Variants in FAAH2 observed in about 807,000 individuals in gnomAD.
FAAH2 encodes fatty-acid amide hydrolase 2.
Under a neutral mutation model 36.9 loss-of-function variants are expected in FAAH2, and 60 were observed. That is an observed-to-expected ratio of 1.63 (90% CI 1.32 to 2.02). The LOEUF (loss-of-function observed/expected upper bound fraction) is 2.02, where lower values mean the gene tolerates loss of function less well. Ranked by LOEUF, FAAH2 falls within the 30% of genes most tolerant of loss-of-function variation. The pLI, the probability that FAAH2 is intolerant of heterozygous loss-of-function variation, is 0.00. For missense variants in FAAH2, 689 were observed against 397.5 expected (o/e 1.73, Z -6.23); for synonymous variants, 214 against 143.8 (o/e 1.49, Z -3.49).
chrX:57,454,541 C>T (rs1274271600), intron 10 of FAAH2, among the ~76,000 whole-genome samples: 1 of 111,982 alleles, frequency 8.9e-6, no homozygotes, highest in East Asian at 2.8e-4. Context: ...AAAGTTGAAA[C>T]ATAATCCAAG....
At chrX:57,438,892 G>A (rs1456745611) in intron 8 of FAAH2, among the ~76,000 whole-genome samples, 6 of 108,794 alleles carry the variant, frequency 5.5e-5, no homozygotes, top group African/African-American at 1.3e-4. Context: ...GAGAATGATG[G>A]TTTCCAGTTT....
chrX:57,291,414 C>T (rs1380000791), intron 1 of FAAH2, among the ~76,000 whole-genome samples: 3 of 111,867 alleles, frequency 2.7e-5, no homozygotes, highest in African/African-American at 6.5e-5. Context: ...TTGTTTTCAC[C>T]TAGTATATGT....
the FAAH2 span, among the ~76,000 whole-genome samples, chrX:57,279,076 C>T: frequency 1.8e-5 from 2 of 111,983 alleles, no homozygotes; most frequent in Non-Finnish European, 3.8e-5. Flanking sequence ...CTAGAATTGC[C>T]ATTTGTCCCA....
chrX:57,432,311 C>G (rs769157533), intron 8 of FAAH2, among the ~76,000 whole-genome samples: 1 of 111,024 alleles, frequency 9.0e-6, no homozygotes, highest in Non-Finnish European at 1.9e-5. Context: ...GATTTGGAAA[C>G]CTTAACCAGG....
At chrX:57,410,596 T>A (rs974966406) in intron 7 of FAAH2, among the ~76,000 whole-genome samples, 4 of 111,991 alleles carry the variant, frequency 3.6e-5, no homozygotes, top group Non-Finnish European at 7.5e-5. Context: ...AATAATAGAC[T>A]GTTTTATCAT....
At chrX:57,436,686 C>G (rs765345378) in intron 8 of FAAH2, among the ~76,000 whole-genome samples, 1 of 111,105 alleles carries the variant, frequency 9.0e-6, no homozygotes, top group East Asian at 2.8e-4. Context: ...ATGCAACCTC[C>G]CGTTTGAATC....
chrX:57,357,313 C>A lies in FAAH2; in HGVS notation c.742+15923C>A, dbSNP rs780006610. Reference sequence around the variant, plus strand: ...ACTAACACACCAAAAACAATGGCAACAAAAGCCTAAATTGACAAATGGGAT... The same window carrying A: ...ACTAACACACCAAAAACAATGGCAAAAAAAGCCTAAATTGACAAATGGGAT... On this transcript the variant is annotated intron_variant, in intron 5 of 10. Coordinates refer to ENST00000374900, the MANE Select transcript of FAAH2 (RefSeq NM_174912.4). Among the ~76,000 whole-genome samples, 3 of 111,305 alleles carry A rather than the reference C, an allele frequency of 2.7e-5. No individual in the cohort carries two copies. The East Asian group carries it at 8.5e-4, about 31-fold the overall frequency.
the FAAH2 span, among the ~76,000 whole-genome samples, chrX:57,170,870 A>ATTT: frequency 3.9e-3 from 402 of 103,362 alleles, 3 homozygotes; most frequent in African/African-American, 0.013. Flanking sequence ...ATGACCAGCT[A>ATTT]TTTTTTTTTT....
rs112077044 is a variant in FAAH2 at position 57,401,101 on chromosome X, C to A, written c.996+20072C>A. ...TCATGCCACTGCACTCCAGCCTGGG[C>A]GACAGAGTGAGACTCTGTCTCAAAA... On this transcript the variant is annotated intron_variant, in intron 7 of 10. Transcript: ENST00000374900. 2.7e-5 allele frequency among the ~76,000 whole-genome samples: 3 copies of A among 110,737 alleles called. No individual in the cohort carries two copies. The Admixed American group carries it at 2.9e-4, about 11-fold the overall frequency.
intron 7 of FAAH2, among the ~76,000 whole-genome samples, chrX:57,414,442 T>C (rs1233408902): frequency 8.9e-6 from 1 of 112,069 alleles, no homozygotes; most frequent in African/African-American, 3.2e-5. Context: ...TTGAATTTTA[T>C]CAAAGGCCTT....
At chrX:57,259,895 T>C in the FAAH2 span, among the ~76,000 whole-genome samples, 1 of 111,975 alleles carries the variant, frequency 8.9e-6, no homozygotes, top group Non-Finnish European at 1.9e-5. Context: ...TCCTTTCTAC[T>C]GTTATTTGCT....
the FAAH2 span, among the ~76,000 whole-genome samples, chrX:57,218,179 T>A: frequency 8.9e-6 from 1 of 111,876 alleles, no homozygotes; most frequent in Non-Finnish European, 1.9e-5. Context: ...CTGATTTGGA[T>A]GCCTTTTATT....
chrX:57,295,089 A>T (rs2052095021), intron 2 of FAAH2, among the ~76,000 whole-genome samples: 1 of 111,912 alleles, frequency 8.9e-6, no homozygotes, highest in African/African-American at 3.2e-5. Flanking sequence ...GGACCAAGAC[A>T]TCTGTGAAGA....
chrX:57,256,508 C>T, the FAAH2 span, among the ~76,000 whole-genome samples: 1 of 111,682 alleles, frequency 9.0e-6, no homozygotes, highest in Admixed American at 9.6e-5. Flanking sequence ...ACCACGCTAC[C>T]TGACTTCAAA....
At chrX:57,202,423 G>A in the FAAH2 span, among the ~76,000 whole-genome samples, 1 of 111,534 alleles carries the variant, frequency 9.0e-6, no homozygotes, top group East Asian at 2.8e-4. Context: ...GGAAATATGT[G>A]GAAAAATTAC....
At chrX:57,385,433 G>T (rs1285054395) in intron 7 of FAAH2, among the ~76,000 whole-genome samples, 2 of 111,248 alleles carry the variant, frequency 1.8e-5, no homozygotes, top group Non-Finnish European at 3.8e-5. Flanking sequence ...CACACCTGAA[G>T]ACAGGAAAGT....
At chrX:57,260,296 C>T in the FAAH2 span, among the ~76,000 whole-genome samples, 1 of 111,335 alleles carries the variant, frequency 9.0e-6, no homozygotes, top group Non-Finnish European at 1.9e-5. Flanking sequence ...AGGGCAAATG[C>T]TTTTTCACCA....
intron 5 of FAAH2, among the ~76,000 whole-genome samples, chrX:57,352,434 C>CA (rs2054048148): frequency 9.2e-6 from 1 of 108,653 alleles, no homozygotes; most frequent in African/African-American, 3.3e-5. Context: ...GTAAAAAAAT[C>CA]AAAAAACTAG....
chrX:57,334,022 C>T (rs1284779855), intron 4 of FAAH2, among the ~76,000 whole-genome samples: 3 of 110,188 alleles, frequency 2.7e-5, no homozygotes, highest in Non-Finnish European at 5.7e-5. Context: ...GATGGGAGTC[C>T]ACTTTGGGAG....
Sources: allele counts gnomAD v4.1 joint callset (sites outside exome capture counted in the v4.1 genomes callset), GRCh38; gene constraint gnomAD v4.1.1; transcripts MANE v1.5; gene names NCBI Gene and HGNC (gene_info 2026-07-23, HGNC 2026-07-21).